EPB41L2: variants seen among roughly 807,000 people sequenced by gnomAD.
EPB41L2 encodes the protein band 4.1-like protein 2.
In EPB41L2, 43 loss-of-function variants were observed where a neutral mutation model predicts 113.0. That is an observed-to-expected ratio of 0.38 (90% CI 0.30 to 0.49). The LOEUF (loss-of-function observed/expected upper bound fraction) is 0.49, where lower values mean the gene tolerates loss of function less well. Among genes scored for constraint, EPB41L2 ranks in the 20% least tolerant of loss-of-function variants. The pLI is 0.95. For missense variants in EPB41L2, 1,147 were observed against 1,223.4 expected, an observed-to-expected ratio of 0.94 and a Z score of 0.93; for synonymous variants, 442 against 436.7, an observed-to-expected ratio of 1.01 and a Z score of -0.15.
chr6:131,056,915 A>G (rs1467026996), intron 1 of EPB41L2, among the ~76,000 whole-genome samples: 1 of 152,236 alleles, frequency 6.6e-6, no homozygotes, highest in Non-Finnish European at 1.5e-5. Flanking sequence ...TTCACAGGTA[A>G]GAATATGAGT....
chr6:130,925,144 C>A (rs1804213671), intron 4 of EPB41L2, among the ~76,000 whole-genome samples: 1 of 151,036 alleles, frequency 6.6e-6, no homozygotes, highest in African/African-American at 2.4e-5. Context: ...TAAATACTAC[C>A]TTTTCTTATG....
chr6:130,869,160 C>T (rs1784841378), intron 15 of EPB41L2, among the ~76,000 whole-genome samples: 1 of 151,986 alleles, frequency 6.6e-6, no homozygotes, highest in Non-Finnish European at 1.5e-5. Flanking sequence ...TCAGCAGTGA[C>T]CATTTTTTTT....
rs770424797 is a variant in EPB41L2 at position 131,051,465 on chromosome 6, A to AAACACAC, written c.-15+11689_-15+11690insGTGTGTT. Among the ~76,000 whole-genome samples, 11 of 143,600 alleles carry AAACACAC rather than the reference A, an allele frequency of 7.7e-5. No homozygotes were observed. The East Asian group carries it at 2.2e-3, about 29-fold the overall frequency. The allele number at this position is 143,600 out of a possible 152,430, so 94.2% of individuals were successfully genotyped here. ...ACAAAAGTAAAGCAAAAAAAAAAAA[A>AAACACAC]ACACACACACACACACACACAACAG... On this transcript the variant is annotated intron_variant, in intron 1 of 19. Transcript: ENST00000337057.
In EPB41L2 at chr6:131,038,999, A is replaced by G. The variant is rs537553410; in HGVS notation, c.-15+24156T>C. ...CAACATTTTTTTTTAAGTGTCAGACAGTGACTTCCCAGAGGCTTAGAAACA... is the reference window on the plus strand; with the variant it reads ...CAACATTTTTTTTTAAGTGTCAGACGGTGACTTCCCAGAGGCTTAGAAACA... On this transcript the variant is annotated intron_variant, in intron 1 of 19. Coordinates refer to ENST00000337057, the MANE Select transcript of EPB41L2 (RefSeq NM_001431.4). 9.8e-5 allele frequency among the ~76,000 whole-genome samples: 15 copies of G among 152,320 alleles called. No homozygotes were observed. In the South Asian group the frequency reaches 2.9e-3, roughly 29 times the overall value.
intron 1 of EPB41L2, among the ~76,000 whole-genome samples, chr6:131,045,932 A>G (rs959734851): frequency 2.0e-5 from 3 of 146,534 alleles, no homozygotes; most frequent in African/African-American, 4.9e-5. Context: ...ATCTACGCCT[A>G]TATTTTTCTT....
chr6:130,964,911 C>G (rs1774637407), intron 1 of EPB41L2, among the ~76,000 whole-genome samples: 1 of 152,182 alleles, frequency 6.6e-6, no homozygotes, highest in African/African-American at 2.4e-5. Flanking sequence ...CCGTCCAGCT[C>G]TAAAGACCTT....
intron 1 of EPB41L2, among the ~76,000 whole-genome samples, chr6:130,978,387 G>A (rs1240170543): frequency 6.6e-6 from 1 of 152,112 alleles, no homozygotes; most frequent in Admixed American, 6.5e-5. Flanking sequence ...GCAATGGTGT[G>A]GCCACTTGTT....
chr6:130,982,325 C>CA (rs1779556654), intron 1 of EPB41L2, among the ~76,000 whole-genome samples: 1 of 152,106 alleles, frequency 6.6e-6, no homozygotes, highest in Non-Finnish European at 1.5e-5. Flanking sequence ...ACAACAACTA[C>CA]AAAAAATCAG....
At chr6:130,915,383 T>C (rs538765236) in intron 4 of EPB41L2, among the ~76,000 whole-genome samples, 3 of 152,366 alleles carry the variant, frequency 2.0e-5, no homozygotes, top group East Asian at 3.9e-4. Flanking sequence ...TGGGGAAATA[T>C]GTTCCATCTT....
At chr6:130,867,102 G>A (rs536199770) in intron 16 of EPB41L2, among the ~76,000 whole-genome samples, 3 of 152,222 alleles carry the variant, frequency 2.0e-5, no homozygotes, top group South Asian at 2.1e-4. Flanking sequence ...ATTATTAATC[G>A]ATGAATTATA....
intron 1 of EPB41L2, among the ~76,000 whole-genome samples, chr6:131,012,640 C>T (rs760066806): frequency 4.6e-5 from 7 of 151,282 alleles, no homozygotes; most frequent in Non-Finnish European, 8.8e-5. Context: ...AATAGATATC[C>T]CCAATAGAAG....
chr6:130,998,907 ATTC>A (rs1783735618), intron 1 of EPB41L2, among the ~76,000 whole-genome samples: 2 of 152,064 alleles, frequency 1.3e-5, no homozygotes, highest in Non-Finnish European at 2.9e-5. Context: ...CCAGAAAGCA[ATTC>A]TTCTACCTCG....
At chr6:130,978,776 CA>C (rs1778715148) in intron 1 of EPB41L2, 1 of 152,080 alleles carries the variant, frequency 6.6e-6, no homozygotes, top group Non-Finnish European at 1.5e-5. Flanking sequence ...TAGCTAACTA[CA>C]AAGGGAATAA....
chr6:131,024,596 A>T (rs1344481230), intron 1 of EPB41L2, among the ~76,000 whole-genome samples: 1 of 152,222 alleles, frequency 6.6e-6, no homozygotes, highest in Non-Finnish European at 1.5e-5. Flanking sequence ...CCCTGACTGC[A>T]CCAAGAGCTC....
At chr6:130,872,383 T>TGA (rs1786029600) in intron 14 of EPB41L2, 1 of 1,288,050 alleles carries the variant, frequency 7.8e-7, no homozygotes, top group African/African-American at 1.5e-5. Flanking sequence ...CAAGCAAGTG[T>TGA]GAGAAGGGCG....
chr6:131,003,365 T>C (rs1784774970), intron 1 of EPB41L2, among the ~76,000 whole-genome samples: 1 of 152,238 alleles, frequency 6.6e-6, no homozygotes, highest in Non-Finnish European at 1.5e-5. Context: ...ATGATCTCTA[T>C]TTCCAATTGT....
chr6:131,059,696 G>A (rs1798302613), intron 1 of EPB41L2, among the ~76,000 whole-genome samples: 1 of 152,212 alleles, frequency 6.6e-6, no homozygotes, highest in South Asian at 2.1e-4. Flanking sequence ...CTAGGGCTAA[G>A]AGTGGATCTG....
chr6:130,968,486 A>G (rs980668598), intron 1 of EPB41L2, among the ~76,000 whole-genome samples: 5 of 152,242 alleles, frequency 3.3e-5, no homozygotes, highest in Admixed American at 2.6e-4. Flanking sequence ...TAGCACTACT[A>G]AAGAGTTCTA....
chr6:130,918,736 T>C (rs1414960974), intron 4 of EPB41L2, among the ~76,000 whole-genome samples: 1 of 152,126 alleles, frequency 6.6e-6, no homozygotes, highest in Non-Finnish European at 1.5e-5. Flanking sequence ...TAATCGTGGT[T>C]TTCACTCACC....
Sources: gnomAD v4.1 joint callset for allele counts (sites outside exome capture counted in the v4.1 genomes callset) on GRCh38, gnomAD v4.1.1 for gene constraint, MANE v1.5 for transcripts, NCBI Gene and HGNC (gene_info 2026-07-23, HGNC 2026-07-21) for gene names.